The following PDE8A variants were observed in gnomAD, a reference collection of about 807,000 sequenced individuals.
The protein encoded by PDE8A is phosphodiesterase 8A, also known as high affinity cAMP-specific and IBMX-insensitive 3',5'-cyclic phosphodiesterase 8A.
A neutral mutation model predicts 105.0 loss-of-function variants in PDE8A; 59 were observed. The observed-to-expected ratio is 0.56, with a 90% CI of 0.46 to 0.70. PDE8A has a LOEUF of 0.70. Ranked by LOEUF, PDE8A falls within the 30% of genes least tolerant of loss-of-function variation. The pLI is 0.00. For synonymous variants in PDE8A, 355 were observed against 371.9 expected, an observed-to-expected ratio of 0.95 and a Z score of 0.52; for missense variants, 1,014 against 1,045.9, an observed-to-expected ratio of 0.97 and a Z score of 0.42.
In PDE8A at chr15:85,129,484, T is replaced by A. The variant is rs192330820; in HGVS notation, c.2253+3110T>A. On this transcript the variant is annotated intron_variant, in intron 20 of 21. Transcript: ENST00000394553. ...GGTAGGTTGCATGTTTCTAGGAGTT[T>A]ATCCATTGTGTTGGCATTCAGTTGT... Among the ~76,000 whole-genome samples the A allele has an allele frequency of 5.5e-4, 84 of 152,356 alleles. 2 individuals carry two copies. In the South Asian group the frequency reaches 0.012, roughly 22 times the overall value.
intron 1 of PDE8A, among the ~76,000 whole-genome samples, chr15:85,040,345 C>T (rs2080782211): frequency 7.0e-6 from 1 of 143,360 alleles, no homozygotes; most frequent in African/African-American, 2.6e-5. Flanking sequence ...GCGTGAGCCA[C>T]CATGCCCAGC....
intron 5 of PDE8A, among the ~76,000 whole-genome samples, chr15:85,081,067 C>T (rs1333677296): frequency 6.6e-6 from 1 of 152,206 alleles, no homozygotes; most frequent in Non-Finnish European, 1.5e-5. Context: ...AAAGGATGCT[C>T]AGGTTACTGA....
intron 1 of PDE8A, among the ~76,000 whole-genome samples, chr15:85,039,154 A>G (rs1285103867): frequency 6.6e-6 from 1 of 151,410 alleles, no homozygotes; most frequent in Non-Finnish European, 1.5e-5. Flanking sequence ...GAGTGGGTAC[A>G]GTGGCTCATG....
chr15:85,036,346 A>G (rs964294882), intron 1 of PDE8A, among the ~76,000 whole-genome samples: 2 of 152,218 alleles, frequency 1.3e-5, no homozygotes, highest in Non-Finnish European at 2.9e-5. Context: ...GGCTCCCATG[A>G]TTAAAATGGG....
At chr15:85,121,172 T>C (rs2082176061) in intron 18 of PDE8A, among the ~76,000 whole-genome samples, 158 bp downstream of exon 18, 1 of 152,064 alleles carries the variant, frequency 6.6e-6, no homozygotes, top group African/African-American at 2.4e-5. Context: ...CCCAGCACTT[T>C]GGGAGGCTGA....
intron 1 of PDE8A, among the ~76,000 whole-genome samples, chr15:84,985,816 G>A (rs945578006): frequency 4.6e-5 from 7 of 152,204 alleles, no homozygotes; most frequent in African/African-American, 1.4e-4. Flanking sequence ...CAGAGTAGAG[G>A]CTGTAAAGTT....
intron 8 of PDE8A, among the ~76,000 whole-genome samples, chr15:85,091,901 C>CTTTTT (rs563631633): frequency 0.15 from 13,027 of 87,072 alleles, 1,089 homozygotes; most frequent in Non-Finnish European, 0.22. Flanking sequence ...TTCTGCTGGA[C>CTTTTT]TTTTTTTTTT....
At chr15:85,027,017 C>A (rs2080528895) in intron 1 of PDE8A, among the ~76,000 whole-genome samples, 1 of 152,062 alleles carries the variant, frequency 6.6e-6, no homozygotes, top group Admixed American at 6.5e-5. Context: ...TCTCTTAATA[C>A]CTCAGTTAAT....
intron 1 of PDE8A, among the ~76,000 whole-genome samples, chr15:85,007,878 C>T (rs1314513396): frequency 6.6e-6 from 1 of 152,138 alleles, no homozygotes; most frequent in Non-Finnish European, 1.5e-5. Flanking sequence ...TGCCAAATGA[C>T]ATTCCTAAGT....
intron 1 of PDE8A, among the ~76,000 whole-genome samples, chr15:85,055,002 G>A (rs2081037779): frequency 6.6e-6 from 1 of 152,016 alleles, no homozygotes; most frequent in South Asian, 2.1e-4. Context: ...AGAGATTCTG[G>A]TATGTTGTGT....
chr15:85,072,409 A>C (rs774661247), intron 3 of PDE8A, among the ~76,000 whole-genome samples: 1 of 152,168 alleles, frequency 6.6e-6, no homozygotes, highest in Non-Finnish European at 1.5e-5. Context: ...TCTTTTCCTA[A>C]TAACAGAATC....
At position 85,123,154 on chromosome 15, in the gene PDE8A, CAG is replaced by C. The variant is rs2082207834; in HGVS notation, c.2047_2048del (p.Ser683HisfsTer15). 2 of 1,613,860 alleles carry C rather than the reference CAG, an allele frequency of 1.2e-6. No homozygotes were observed. On this transcript the variant is annotated frameshift_variant, in exon 19 of 22. Transcript: ENST00000394553. LOFTEE classifies it high-confidence loss of function. ...TTGAGCATGTCAACAAATTTGTCAACAGCATCAACAAACCCTTGGCAACACTA... is the reference window on the plus strand; with the variant it reads ...TTGAGCATGTCAACAAATTTGTCAACCATCAACAAACCCTTGGCAACACTA... ...HFEHVNKFVN[S>X]INKPLATLEE...
At position 85,117,701 on chromosome 15, in the gene PDE8A, C is replaced by G. The variant is rs1167205048; in HGVS notation, c.1596C>G (p.His532Gln). ...FARFGICEFL[H>Q]CSESTLRSWL... ...GCTTTGGAATCTGTGAATTCTTACACTGCTCCGAGTCAACGCTAAGATCAT... is the reference window on the plus strand; with the variant it reads ...GCTTTGGAATCTGTGAATTCTTACAGTGCTCCGAGTCAACGCTAAGATCAT... The change falls in exon 17 of 22, where the codon CAC (histidine) becomes CAG (glutamine). Residue 532 changes from histidine to glutamine, a missense_variant. Physicochemically the swap from His to Gln is conservative, Grantham distance 24. Coordinates refer to ENST00000394553, the MANE Select transcript of PDE8A (RefSeq NM_002605.3). The G allele has an allele frequency of 1.2e-6, 2 of 1,613,962 alleles. No homozygotes were observed. Among genetic ancestry groups the G allele is most frequent in the East Asian group, 2.2e-5 (1 of 44,896 alleles).
intron 1 of PDE8A, chr15:85,062,982 A>G (rs11632658): frequency 0.21 from 31,539 of 152,174 alleles, 4,313 homozygotes; most frequent in Middle Eastern, 0.33. Flanking sequence ...AGACTGGCCC[A>G]TAGTTACACA....
At chr15:85,134,947 G>T (rs996493608) in intron 20 of PDE8A, among the ~76,000 whole-genome samples, 1 of 152,196 alleles carries the variant, frequency 6.6e-6, no homozygotes, top group African/African-American at 2.4e-5. Flanking sequence ...TGGAGTCAGC[G>T]ACTTTAGGGA....
At chr15:85,125,972 C>A (rs144887218) in intron 19 of PDE8A, among the ~76,000 whole-genome samples, 1 of 151,950 alleles carries the variant, frequency 6.6e-6, no homozygotes, top group African/African-American at 2.4e-5. Flanking sequence ...ATATACCAAC[C>A]CCTAGTGCTA....
At chr15:85,048,891 A>G (rs1466675948) in intron 1 of PDE8A, among the ~76,000 whole-genome samples, 2 of 152,350 alleles carry the variant, frequency 1.3e-5, no homozygotes, top group East Asian at 3.9e-4. Flanking sequence ...ACTTGAGGTC[A>G]GGAGTTCGAG....
intron 1 of PDE8A, among the ~76,000 whole-genome samples, chr15:85,059,222 C>G (rs537062443): frequency 2.0e-5 from 3 of 152,182 alleles, no homozygotes; most frequent in Middle Eastern, 6.8e-3. Flanking sequence ...TCACTTTATC[C>G]TTAAGATACT....
intron 16 of PDE8A, among the ~76,000 whole-genome samples, chr15:85,117,243 C>T (rs1018773930): frequency 1.3e-5 from 2 of 152,196 alleles, no homozygotes; most frequent in Non-Finnish European, 2.9e-5. Flanking sequence ...TGGCCAATGG[C>T]ATGGGTCCAG....
Sources: gnomAD v4.1 joint callset for allele counts (sites outside exome capture counted in the v4.1 genomes callset) on GRCh38, gnomAD v4.1.1 for gene constraint, MANE v1.5 for transcripts, NCBI Gene and HGNC (gene_info 2026-07-23, HGNC 2026-07-21) for gene names.